MTA1: variants seen among roughly 807,000 people sequenced by gnomAD.
MTA1 encodes the protein metastasis-associated protein MTA1.
Under a neutral mutation model 97.0 loss-of-function variants are expected in MTA1, and 15 were observed. That is an observed-to-expected ratio of 0.15 (90% confidence interval 0.10 to 0.24). The LOEUF (loss-of-function observed/expected upper bound fraction) is 0.24. Ranked by LOEUF, MTA1 falls within the 10% of genes least tolerant of loss-of-function variation. The probability of loss-of-function intolerance (pLI) is 1.00; values close to 1 mark genes in which losing one functional copy is unlikely to be tolerated. For synonymous variants in MTA1, 435 were observed against 417.5 expected, an observed-to-expected ratio of 1.04 and a Z score of -0.51; for missense variants, 709 against 1,015.1, an observed-to-expected ratio of 0.70 and a Z score of 4.10.
intron 18 of MTA1, chr14:105,468,077 G>C: frequency 2.8e-6 from 1 of 353,862 alleles, no homozygotes; most frequent in Non-Finnish European, 5.6e-6. Context: ...CTGGGCGCTG[G>C]AGAGGGGCCA....
chr14:105,440,589 A>G (rs1203782669), intron 2 of MTA1, among the ~76,000 whole-genome samples: 1 of 152,242 alleles, frequency 6.6e-6, no homozygotes, highest in East Asian at 1.9e-4. Context: ...GGCGATGTTC[A>G]GTTACACATG....
intron 2 of MTA1, among the ~76,000 whole-genome samples, chr14:105,439,044 G>A (rs1013363341): frequency 2.6e-5 from 4 of 152,160 alleles, no homozygotes; most frequent in African/African-American, 7.2e-5. Context: ...TGGGGAGCCC[G>A]AGCGGAATGG....
intron 2 of MTA1, among the ~76,000 whole-genome samples, chr14:105,443,478 C>T (rs1449222943): frequency 6.6e-6 from 1 of 152,170 alleles, no homozygotes; most frequent in Non-Finnish European, 1.5e-5. Context: ...CCCAAGTGAT[C>T]CTCTCACCTC....
rs937679808 is a variant in MTA1, at chr14:105,469,656, T to G, written c.1845+158T>G. The G allele has an allele frequency of 4.2e-6, 5 of 1,198,698 alleles. No homozygotes were observed. In the African/African-American group the frequency reaches 7.5e-5, roughly 18 times the overall value. The allele number at this position is 1,198,698 out of a possible 1,614,324, so 74.3% of individuals were successfully genotyped here. On this transcript the variant is annotated intron_variant, in intron 19 of 20. Coordinates refer to ENST00000331320, the MANE Select transcript of MTA1 (RefSeq NM_004689.4). ...TGCAGCATGTGGGGGCCATGGCCCC[T>G]GTGCCAGGCCCAGCGGTGTGCGGCC...
At chr14:105,464,389 G>A (rs782591863) in intron 13 of MTA1, 27 bp from the exon 14 acceptor site, 21 of 1,609,754 alleles carry the variant, frequency 1.3e-5, no homozygotes, top group Admixed American at 1.2e-4. Context: ...TTAAGAATCC[G>A]TCTATTTCCA....
At chr14:105,465,678 C>T (rs1225407569) in intron 16 of MTA1, 1 of 152,856 alleles carries the variant, frequency 6.5e-6, no homozygotes, top group African/African-American at 2.4e-5. Context: ...GGAGCAGCCT[C>T]AGGCGGCAGG....
At chr14:105,456,383 C>T (rs1212397585) in intron 7 of MTA1, among the ~76,000 whole-genome samples, 1 of 152,222 alleles carries the variant, frequency 6.6e-6, no homozygotes, top group Non-Finnish European at 1.5e-5. Context: ...CCTGGAGAGA[C>T]CTGGCGGAGC....
chr14:105,432,663 T>A (rs1341670028), intron 1 of MTA1, among the ~76,000 whole-genome samples: 1 of 152,262 alleles, frequency 6.6e-6, no homozygotes, highest in Admixed American at 6.5e-5. Flanking sequence ...CTCTACGTTC[T>A]TTATGAATTC....
Position 105,463,893 on chromosome 14 carries a change from G to A in MTA1, c.1077-139G>A. 1.2e-6 allele frequency: 1 copy of A among 809,996 alleles called. No homozygotes were observed. Among genetic ancestry groups the A allele is most frequent in the Non-Finnish European group, 2.1e-6 (1 of 479,752 alleles). 50.2% of individuals were successfully genotyped at this position (809,996 alleles called of 1,614,324 possible). On this transcript the variant is annotated intron_variant, in intron 12 of 20. Transcript: ENST00000331320. This position sits in a 1 kb window ranked among gnomAD's most constrained non-coding sequence, Gnocchi z 5.9. ...CTCCCAGGAACTGAAAGGGGAGAAA[G>A]GAAGATCCCTGCCGAGGCCGAGGGG... is the stretch of plus-strand genomic sequence containing the variant.
chr14:105,424,727 C>T lies in MTA1; in HGVS notation c.28+4664C>T, dbSNP rs144618006. Among the ~76,000 whole-genome samples, 331 of 151,364 alleles carry T rather than the reference C, an allele frequency of 2.2e-3. No homozygotes were observed. The highest frequency in any genetic ancestry group is 7.8e-3 in the African/African-American group (321 of 41,174). On this transcript the variant is annotated intron_variant, in intron 1 of 20. Coordinates refer to ENST00000331320, the MANE Select transcript of MTA1 (RefSeq NM_004689.4). This position sits in a 1 kb window ranked among gnomAD's most constrained non-coding sequence, Gnocchi z 4.0. ...GCCAGGCTGGTCTCGAACTCCTGAC[C>T]TCAAGTGATCCACCCGCCTCGGCCT...
chr14:105,443,000 G>T (rs6420943), intron 2 of MTA1, among the ~76,000 whole-genome samples: 147,194 of 152,296 alleles, frequency 0.97, 71,314 homozygotes, highest in Non-Finnish European at 1. Flanking sequence ...GCCCGGGTGG[G>T]GTGGCTGCGG....
intron 1 of MTA1, among the ~76,000 whole-genome samples, chr14:105,430,117 G>A (rs990916481): frequency 2.0e-5 from 3 of 152,132 alleles, no homozygotes; most frequent in Admixed American, 6.6e-5. Flanking sequence ...CCTGCTTGGC[G>A]CTGAAGACCA....
chr14:105,451,307 G>A (rs1004256729), intron 6 of MTA1, among the ~76,000 whole-genome samples: 2 of 152,234 alleles, frequency 1.3e-5, no homozygotes, highest in African/African-American at 4.8e-5. Context: ...CGTGAAGGGC[G>A]ACAGTGGCTC....
intron 18 of MTA1, chr14:105,469,213 A>C (rs2141720407): frequency 1.6e-6 from 1 of 612,018 alleles, no homozygotes; most frequent in East Asian, 2.9e-5. Flanking sequence ...TGTCGGGTCC[A>C]AGGCTCCTGG....
At chr14:105,460,523 T>C (rs1595396850) in intron 9 of MTA1, 66 bp downstream of exon 9, 1 of 1,461,152 alleles carries the variant, frequency 6.8e-7, no homozygotes, top group Admixed American at 2.2e-5. Context: ...GGCTGCGCCC[T>C]TCTTCCTACC....
chr14:105,460,968 T>A lies in MTA1; in HGVS notation c.942+15T>A. 6.2e-7 allele frequency: 1 copy of A among 1,601,340 alleles called. No individual in the cohort carries two copies. The highest frequency in any genetic ancestry group is 1.1e-5 in the South Asian group (1 of 88,468). On this transcript the variant is annotated intron_variant, in intron 10 of 20. Coordinates refer to ENST00000331320, the MANE Select transcript of MTA1 (RefSeq NM_004689.4). ...AGCAAGATTTTGTGAGTACCGTGGG[T>A]GGCGATGGGGGAGTGGCTGGCCATG... is the stretch of plus-strand genomic sequence containing the variant.
chr14:105,448,500 G>T (rs1337053728), intron 3 of MTA1, among the ~76,000 whole-genome samples: 1 of 152,186 alleles, frequency 6.6e-6, no homozygotes, highest in Non-Finnish European at 1.5e-5. Context: ...GTCTGGGGCT[G>T]GTGTGTGGGC....
Position 105,463,986 on chromosome 14 carries a change from G to A in MTA1, c.1077-46G>A, listed in dbSNP as rs1555431696. The A allele has an allele frequency of 1.3e-6, 2 of 1,598,060 alleles. No individual in the cohort carries two copies. Among genetic ancestry groups the A allele is most frequent in the Admixed American group, 1.7e-5 (1 of 59,804 alleles). Reference sequence around the variant, plus strand: ...CCTGCTGGGCACATGGGCCCTCGAGGTTTGTGCTCCTGCAACTCCTCTCGT... The same window carrying A: ...CCTGCTGGGCACATGGGCCCTCGAGATTTGTGCTCCTGCAACTCCTCTCGT... On this transcript the variant is annotated intron_variant, in intron 12 of 20. Coordinates refer to ENST00000331320, the MANE Select transcript of MTA1 (RefSeq NM_004689.4). The surrounding 1 kb of genome is among the most constrained non-coding windows in gnomAD (Gnocchi z 5.9).
intron 3 of MTA1, among the ~76,000 whole-genome samples, chr14:105,448,575 C>T: frequency 6.6e-6 from 1 of 152,168 alleles, no homozygotes; most frequent in East Asian, 1.9e-4. Flanking sequence ...GAAGTGGGAG[C>T]GAGTGAGATG....
Sources: allele counts gnomAD v4.1 joint callset (sites outside exome capture counted in the v4.1 genomes callset), GRCh38; gene constraint gnomAD v4.1.1; non-coding constraint Gnocchi (gnomAD v3.1); transcripts MANE v1.5; gene names NCBI Gene and HGNC (gene_info 2026-07-23, HGNC 2026-07-21).